The following DDX18 variants were observed in gnomAD, a reference collection of about 807,000 sequenced individuals.
DDX18 encodes ATP-dependent RNA helicase DDX18.
A neutral mutation model predicts 73.5 loss-of-function variants in DDX18; 23 were observed. The observed-to-expected ratio is 0.31, with a 90% CI of 0.23 to 0.44. The LOEUF is 0.44. Ranked by LOEUF, DDX18 falls within the 20% of genes least tolerant of loss-of-function variation. DDX18 has a pLI of 1.00. For missense variants in DDX18, 753 were observed against 792.9 expected (o/e 0.95, Z 0.60); for synonymous variants, 268 against 282.7 (o/e 0.95, Z 0.52).
At chr2:117,829,646 G>T (rs890733069) in intron 13 of DDX18, among the ~76,000 whole-genome samples, 180 bp downstream of exon 13, 1 of 152,186 alleles carries the variant, frequency 6.6e-6, no homozygotes, top group Non-Finnish European at 1.5e-5. Context: ...GATGGGGTAA[G>T]CAGGGCTTAA....
chr2:117,824,468 T>A (rs935557631), intron 7 of DDX18, 101 bp from the exon 8 acceptor site: 9 of 1,066,850 alleles, frequency 8.4e-6, no homozygotes, highest in African/African-American at 1.6e-5. Flanking sequence ...AAACATCATA[T>A]CTCCCATTTC....
At chr2:117,826,231 G>C in intron 10 of DDX18, 38 bp from the exon 11 acceptor site, 2 of 1,579,764 alleles carry the variant, frequency 1.3e-6, no homozygotes, top group Non-Finnish European at 1.7e-6. Context: ...TCATGTGGAA[G>C]TCACTGCGTT....
chr2:117,825,706 C>G, intron 10 of DDX18, 107 bp downstream of exon 10: 2 of 1,350,300 alleles, frequency 1.5e-6, no homozygotes, highest in South Asian at 2.8e-5. Flanking sequence ...GTAAAGATCC[C>G]TACTATACAG....
In DDX18 at chr2:117,829,293, A is replaced by C. The variant is rs1441301045; in HGVS notation, c.1697A>C (p.Glu566Ala). Residue 566 changes from glutamate to alanine, a missense_variant, in exon 13 of 14, where the codon GAG (glutamate) becomes GCG (alanine). Transcript: ENST00000263239. Reference sequence around the variant, plus strand: ...CAGTGTTTCTTTCTATTTCAGCTTGAGAAATTGATTGAAAAGAATTACTTT... The same window carrying C: ...CAGTGTTTCTTTCTATTTCAGCTTGCGAAATTGATTGAAAAGAATTACTTT... ...SKISDIQSQL[E>A]KLIEKNYFLH... is the part of the protein sequence containing the mutation. The C allele has an allele frequency of 4.4e-6, 7 of 1,585,090 alleles. No homozygotes were observed. The Admixed American group carries it at 9.4e-5, about 21-fold the overall frequency.
chr2:117,815,468 C>A (rs1426524648), intron 1 of DDX18, among the ~76,000 whole-genome samples: 2 of 152,128 alleles, frequency 1.3e-5, no homozygotes, highest in African/African-American at 2.4e-5. Flanking sequence ...CATTTGCAGT[C>A]CCAGTGTCCT....
intron 10 of DDX18, 156 bp downstream of exon 10, chr2:117,825,755 G>T: frequency 2.5e-6 from 2 of 814,076 alleles, no homozygotes; most frequent in Non-Finnish European, 3.7e-6. Flanking sequence ...AGTACTTAAG[G>T]CTTTTCAGGG....
At chr2:117,817,344 T>G in intron 1 of DDX18, 100 bp from the exon 2 acceptor site, 1 of 1,125,804 alleles carries the variant, frequency 8.9e-7, no homozygotes, top group South Asian at 1.8e-5. Flanking sequence ...ATCTAAATAA[T>G]TTGTGTCAGG....
At chr2:117,817,359 C>A in intron 1 of DDX18, 85 bp from the exon 2 acceptor site, 1 of 1,270,626 alleles carries the variant, frequency 7.9e-7, no homozygotes, top group Non-Finnish European at 1.1e-6. Flanking sequence ...GTCAGGAAGC[C>A]ATGGAAGTTC....
intron 6 of DDX18, 29 bp from the exon 7 acceptor site, chr2:117,822,118 T>C: frequency 1.2e-6 from 2 of 1,613,756 alleles, no homozygotes; most frequent in Non-Finnish European, 1.7e-6. Context: ...TGACAACTAA[T>C]GGTTGTTCTT....
At position 117,832,166 on chromosome 2, in the gene DDX18, TG is replaced by T. The variant is rs1484529591; in HGVS notation, c.*1443del. The T allele has an allele frequency of 1.3e-5, 2 of 152,190 alleles. No individual in the cohort carries two copies. Among genetic ancestry groups the T allele is most frequent in the East Asian group, 3.8e-4 (2 of 5,202 alleles). The allele number at this position is 152,190 out of a possible 1,614,324, so 9.4% of individuals were successfully genotyped here. A position where few individuals can be genotyped will look rare whatever the true frequency, so the allele number is the denominator to read the frequency against. ...TTCTGATTTTTTTTTTCAGAAATAA[TG>T]TTTTTTAAAAGACAAAAACAAAGGG... On this transcript the variant is annotated 3_prime_UTR_variant, in exon 14 of 14. Coordinates refer to ENST00000263239, the MANE Select transcript of DDX18 (RefSeq NM_006773.4).
Position 117,821,960 on chromosome 2 carries a change from T to G in DDX18, c.850T>G (p.Leu284Val), listed in dbSNP as rs753909952. The change falls in exon 6 of 14, where the codon TTG becomes GTG. Residue 284 changes from leucine to valine, a missense_variant. Transcript: ENST00000263239. The part of the protein sequence containing the change: ...LMTHHVHTYG[L>V]IMGGSNRSAE... ...GACTCACCACGTGCATACCTATGGCTTGATAATGGGTGGCAGTAACAGATC... is the reference window on the plus strand; with the variant it reads ...GACTCACCACGTGCATACCTATGGCGTGATAATGGGTGGCAGTAACAGATC... 25 of 1,613,982 alleles carry G rather than the reference T, an allele frequency of 1.5e-5. No homozygotes were observed. In the South Asian group the frequency reaches 2.7e-4, roughly 18 times the overall value.
intron 2 of DDX18, among the ~76,000 whole-genome samples, chr2:117,819,143 T>C (rs17508045): frequency 0.057 from 8,648 of 152,088 alleles, 320 homozygotes; most frequent in Non-Finnish European, 0.088. Context: ...CACATGAAAG[T>C]TGTGAATGTA....
intron 1 of DDX18, among the ~76,000 whole-genome samples, chr2:117,816,240 A>C (rs1178615754): frequency 6.6e-6 from 1 of 152,158 alleles, no homozygotes; most frequent in Non-Finnish European, 1.5e-5. Context: ...TACACTGTTG[A>C]GTTTTTTAAT....
At chr2:117,815,318 T>G (rs977648871) in intron 1 of DDX18, among the ~76,000 whole-genome samples, 7 of 152,328 alleles carry the variant, frequency 4.6e-5, no homozygotes, top group South Asian at 2.1e-4. Context: ...CCACAGAGCT[T>G]CTTTGATACT....
At chr2:117,824,030 A>G (rs1237516378) in intron 7 of DDX18, among the ~76,000 whole-genome samples, 2 of 152,194 alleles carry the variant, frequency 1.3e-5, no homozygotes, top group Non-Finnish European at 2.9e-5. Flanking sequence ...CTTTTTATAT[A>G]TTGCTGAATT....
chr2:117,829,080 A>G (rs137928730), intron 12 of DDX18, 75 bp downstream of exon 12: 2 of 1,341,148 alleles, frequency 1.5e-6, no homozygotes, highest in African/African-American at 2.9e-5. Flanking sequence ...TTCACTGGGC[A>G]ATCACTGTCC....
Position 117,829,461 on chromosome 2 carries a change from A to G in DDX18, c.1865A>G (p.Asp622Gly), listed in dbSNP as rs1679986065. 1 of 1,608,294 alleles carries G rather than the reference A, an allele frequency of 6.2e-7. No homozygotes were observed. The highest frequency in any genetic ancestry group is 8.5e-7 in the Non-Finnish European group (1 of 1,178,468). ...SFGFKVPPFVDLNVNSNEGKQ... is the reference protein window; with the variant it reads ...SFGFKVPPFVGLNVNSNEGKQ... ...GGTTTCAAGGTGCCTCCCTTCGTTG[A>G]TCTGAGTATCCTTTTCTTTAATGAA... The change falls in exon 13 of 14, where the codon GAT (aspartate) becomes GGT (glycine). Residue 622 changes from aspartate (D) to glycine (G), a missense_variant. By Grantham distance (94) the Asp-to-Gly change is moderately conservative (BLOSUM62 -1). Coordinates refer to ENST00000263239, the MANE Select transcript of DDX18 (RefSeq NM_006773.4).
chr2:117,830,825 C>T lies in DDX18; in HGVS notation c.*101C>T, dbSNP rs1412726135. On this transcript the variant is annotated 3_prime_UTR_variant, in exon 14 of 14. Transcript: ENST00000263239. Reference sequence around the variant, plus strand: ...TGTAGACTTTAGAATTTGGACTTACCTAACAAGAGTATAAATTGACTTGGG... The same window carrying T: ...TGTAGACTTTAGAATTTGGACTTACTTAACAAGAGTATAAATTGACTTGGG... 3 of 1,405,538 alleles carry T rather than the reference C, an allele frequency of 2.1e-6. No homozygotes were observed. The highest frequency in any genetic ancestry group is 3.0e-6 in the Non-Finnish European group (3 of 1,016,784). 87.1% of individuals were successfully genotyped at this position (1,405,538 alleles called of 1,614,324 possible). A position where few individuals can be genotyped will look rare whatever the true frequency, so the allele number is the denominator to read the frequency against.
chr2:117,818,551 T>G (rs185592296), intron 2 of DDX18, among the ~76,000 whole-genome samples: 6 of 152,246 alleles, frequency 3.9e-5, no homozygotes, highest in Non-Finnish European at 2.9e-5. Flanking sequence ...CAGAAGTCAT[T>G]GTAATCCTGT....
Sources: gnomAD v4.1 joint callset for allele counts (sites outside exome capture counted in the v4.1 genomes callset) on GRCh38, gnomAD v4.1.1 for gene constraint, MANE v1.5 for transcripts, NCBI Gene and HGNC (gene_info 2026-07-23, HGNC 2026-07-21) for gene names.